The following MICU3 variants were observed in gnomAD, a reference collection of about 807,000 sequenced individuals.
MICU3 encodes calcium uptake protein 3, mitochondrial.
In MICU3, 62 loss-of-function variants were observed where a neutral mutation model predicts 66.5. The observed-to-expected ratio is 0.93, with a 90% CI of 0.76 to 1.15. The LOEUF (loss-of-function observed/expected upper bound fraction) is 1.15, where lower values mean the gene tolerates loss of function less well. Ranked by LOEUF, MICU3 falls within the 50% of genes most tolerant of loss-of-function variation. The probability of loss-of-function intolerance (pLI) is 0.00; values close to 1 mark genes in which losing one functional copy is unlikely to be tolerated. For missense variants in MICU3, 779 were observed against 664.4 expected, an observed-to-expected ratio of 1.17 and a Z score of -1.90; for synonymous variants, 308 against 240.7, an observed-to-expected ratio of 1.28 and a Z score of -2.59.
intron 13 of MICU3, 54 bp from the exon 14 acceptor site, chr8:17,118,653 C>G: frequency 8.8e-7 from 1 of 1,133,004 alleles, no homozygotes; most frequent in Non-Finnish European, 1.3e-6. Flanking sequence ...TAAGTGAAAT[C>G]ACGCTGTATT....
chr8:17,101,446 C>A (rs1801249197), intron 9 of MICU3, among the ~76,000 whole-genome samples: 1 of 151,822 alleles, frequency 6.6e-6, no homozygotes, highest in Non-Finnish European at 1.5e-5. Context: ...ATTTTCATTT[C>A]TCTGATGTCA....
At chr8:17,104,293 G>C (rs1303755980) in intron 9 of MICU3, 98 bp from the exon 10 acceptor site, 1 of 493,114 alleles carries the variant, frequency 2.0e-6, no homozygotes, top group Non-Finnish European at 3.6e-6. Context: ...CATTCTTGAT[G>C]TTTGTATGTT....
At chr8:17,136,406 G>T in the MICU3 span, among the ~76,000 whole-genome samples, 10 of 152,126 alleles carry the variant, frequency 6.6e-5, no homozygotes, top group Middle Eastern at 6.8e-3. Flanking sequence ...TGGGTTCATG[G>T]CCTTGTGACC....
intron 1 of MICU3, among the ~76,000 whole-genome samples, chr8:17,057,041 G>C (rs1340519340): frequency 5.3e-5 from 8 of 152,228 alleles, no homozygotes; most frequent in Non-Finnish European, 1.2e-4. Flanking sequence ...GTTAAGCTAA[G>C]AGTTTGGTTA....
intron 8 of MICU3, among the ~76,000 whole-genome samples, chr8:17,093,064 C>T (rs969924931): frequency 6.6e-5 from 10 of 151,948 alleles, no homozygotes; most frequent in Non-Finnish European, 8.8e-5. Flanking sequence ...TTTTCCATCA[C>T]GTTATTTCCT....
chr8:17,107,895 A>G (rs879701000), intron 11 of MICU3, among the ~76,000 whole-genome samples: 8 of 152,212 alleles, frequency 5.3e-5, no homozygotes, highest in Non-Finnish European at 8.8e-5. Flanking sequence ...TGGCTGCTAC[A>G]TAACAGAATA....
chr8:17,078,675 G>A (rs1820737913), intron 4 of MICU3, among the ~76,000 whole-genome samples: 1 of 151,924 alleles, frequency 6.6e-6, no homozygotes, highest in African/African-American at 2.4e-5. Context: ...ACTTCAGCCT[G>A]AAGACAAATA....
At chr8:17,037,462 C>T (rs923660833) in intron 1 of MICU3, among the ~76,000 whole-genome samples, 4 of 152,196 alleles carry the variant, frequency 2.6e-5, no homozygotes, top group Admixed American at 2.6e-4. Flanking sequence ...GAGCTCAGGC[C>T]ATTGCTTCAG....
At chr8:17,063,268 T>G (rs966191820) in intron 1 of MICU3, among the ~76,000 whole-genome samples, 1 of 152,146 alleles carries the variant, frequency 6.6e-6, no homozygotes, top group Admixed American at 6.5e-5. Context: ...AAAATGGCCC[T>G]GATAATTGAT....
chr8:17,136,341 G>A, the MICU3 span, among the ~76,000 whole-genome samples: 22 of 152,070 alleles, frequency 1.4e-4, no homozygotes, highest in Non-Finnish European at 2.6e-4. Flanking sequence ...AAGCGATGTT[G>A]TTTGCTTATA....
intron 1 of MICU3, among the ~76,000 whole-genome samples, chr8:17,044,520 A>G (rs1176145873): frequency 2.0e-5 from 3 of 152,216 alleles, no homozygotes; most frequent in African/African-American, 7.2e-5. Flanking sequence ...CAGAGGGATC[A>G]GAGGAATGTA....
chr8:17,027,358 C>T lies in MICU3; in HGVS notation c.79C>T (p.Pro27Ser). 1 of 1,505,150 alleles carries T rather than the reference C, an allele frequency of 6.6e-7. No individual in the cohort carries two copies. Among genetic ancestry groups the T allele is most frequent in the Non-Finnish European group, 8.8e-7 (1 of 1,136,862 alleles). The allele number at this position is 1,505,150 out of a possible 1,614,324, so 93.2% of individuals were successfully genotyped here. A position where few individuals can be genotyped will look rare whatever the true frequency, so the allele number is the denominator to read the frequency against. Reference protein sequence around the residue: ...PLCAHQPLLGPWGRPAVTTLG... With the variant: ...PLCAHQPLLGSWGRPAVTTLG... ...CTGCGCTCACCAGCCCCTCCTTGGGCCGTGGGGGCGGCCTGCGGTGACCAC... is the reference window on the plus strand; with the variant it reads ...CTGCGCTCACCAGCCCCTCCTTGGGTCGTGGGGGCGGCCTGCGGTGACCAC... The change falls in exon 1 of 15, where the codon CCG becomes TCG. Residue 27 changes from proline to serine, a missense_variant. Coordinates refer to ENST00000318063, the MANE Select transcript of MICU3 (RefSeq NM_181723.3).
intron 1 of MICU3, among the ~76,000 whole-genome samples, 170 bp from the exon 2 acceptor site, chr8:17,063,909 ATTTAT>A (rs1197395785): frequency 2.0e-5 from 3 of 152,102 alleles, no homozygotes; most frequent in East Asian, 1.9e-4. Context: ...TCGAATATTA[ATTTAT>A]TTTATTTATG....
At chr8:17,108,647 C>T (rs888679244) in intron 11 of MICU3, among the ~76,000 whole-genome samples, 3 of 152,172 alleles carry the variant, frequency 2.0e-5, no homozygotes, top group African/African-American at 7.2e-5. Context: ...TCCACTGCTA[C>T]CATCCAAGAA....
intron 11 of MICU3, among the ~76,000 whole-genome samples, chr8:17,113,599 G>A (rs941499825): frequency 3.9e-5 from 6 of 152,184 alleles, no homozygotes; most frequent in African/African-American, 7.2e-5. Context: ...AATACACTGC[G>A]TTGACATGGA....
At chr8:17,084,366 A>G (rs1284501682) in intron 5 of MICU3, among the ~76,000 whole-genome samples, 2 of 152,130 alleles carry the variant, frequency 1.3e-5, no homozygotes, top group East Asian at 3.9e-4. Context: ...TGTTATTTTC[A>G]GAAACAGCTG....
intron 11 of MICU3, among the ~76,000 whole-genome samples, chr8:17,112,682 A>T (rs1802312420): frequency 6.6e-6 from 1 of 152,096 alleles, no homozygotes; most frequent in Non-Finnish European, 1.5e-5. Flanking sequence ...TTTTAAATTT[A>T]TTTCTTAATC....
At chr8:17,106,546 CTT>C (rs36068857) in intron 11 of MICU3, among the ~76,000 whole-genome samples, 24,509 of 136,686 alleles carry the variant, frequency 0.18, 6,858 homozygotes, top group African/African-American at 0.61. Context: ...CTTGAATCTG[CTT>C]TTTTTTTTTT....
chr8:17,046,176 C>G (rs1398696962), intron 1 of MICU3, among the ~76,000 whole-genome samples: 1 of 152,212 alleles, frequency 6.6e-6, no homozygotes, highest in Non-Finnish European at 1.5e-5. Context: ...GAGGCCTGGA[C>G]TTGTAAATTT....
Sources: allele counts gnomAD v4.1 joint callset (sites outside exome capture counted in the v4.1 genomes callset), GRCh38; gene constraint gnomAD v4.1.1; transcripts MANE v1.5; gene names NCBI Gene and HGNC (gene_info 2026-07-23, HGNC 2026-07-21).